SGIP1: variants seen among roughly 807,000 people sequenced by gnomAD.
SGIP1 encodes SH3GL interacting endocytic adaptor 1.
SGIP1 carries 38 observed loss-of-function variants against 107.5 expected under a neutral mutation model. That is an observed-to-expected ratio of 0.35 (90% CI 0.27 to 0.46). The LOEUF (loss-of-function observed/expected upper bound fraction) is 0.46. Ranked by LOEUF, SGIP1 falls within the 20% of genes least tolerant of loss-of-function variation. The probability of loss-of-function intolerance (pLI) is 1.00; values close to 1 mark genes in which losing one functional copy is unlikely to be tolerated. For synonymous variants in SGIP1, 365 were observed against 366.1 expected, an observed-to-expected ratio of 1.00 and a Z score of 0.03; for missense variants, 929 against 1,019.5, an observed-to-expected ratio of 0.91 and a Z score of 1.21.
intron 1 of SGIP1, among the ~76,000 whole-genome samples, chr1:66,568,946 C>A (rs1353776688): frequency 2.0e-5 from 3 of 151,768 alleles, no homozygotes; most frequent in East Asian, 1.9e-4. Flanking sequence ...GTGGCACAGA[C>A]CTGGCCAGTC....
chr1:66,586,148 C>A (rs1330344992), intron 1 of SGIP1, among the ~76,000 whole-genome samples: 1 of 152,098 alleles, frequency 6.6e-6, no homozygotes, highest in African/African-American at 2.4e-5. Context: ...TTATCTGATA[C>A]TAAGTTAGTC....
intron 7 of SGIP1, among the ~76,000 whole-genome samples, chr1:66,657,906 G>A (rs539129007): frequency 2.6e-5 from 4 of 151,908 alleles, no homozygotes; most frequent in South Asian, 2.1e-4. Flanking sequence ...ATTTTAAATC[G>A]AAAACATCTT....
chr1:66,670,302 C>T (rs910218417), intron 9 of SGIP1, among the ~76,000 whole-genome samples: 2 of 152,348 alleles, frequency 1.3e-5, no homozygotes, highest in South Asian at 2.1e-4. Flanking sequence ...CTGGAGATGA[C>T]CTGCTCAGAT....
At position 66,747,408 on chromosome 1, in the gene SGIP1, C is replaced by G. The variant is rs2094567688; in HGVS notation, c.*4313C>G. On this transcript the variant is annotated 3_prime_UTR_variant, in exon 25 of 25. Transcript: ENST00000371037. Reference sequence around the variant, plus strand: ...AAAATTTTTTTCCCTAGGAAAATCCCTATCTTTTTCTTAAAGTTACTCTGT... The same window carrying G: ...AAAATTTTTTTCCCTAGGAAAATCCGTATCTTTTTCTTAAAGTTACTCTGT... The G allele has an allele frequency of 6.6e-6, 1 of 152,064 alleles. No individual in the cohort carries two copies. The highest frequency in any genetic ancestry group is 1.9e-4 in the East Asian group (1 of 5,188). 9.4% of individuals were successfully genotyped at this position (152,064 alleles called of 1,614,324 possible).
At position 66,682,201 on chromosome 1, in the gene SGIP1, G is replaced by T. The variant is rs750814976; in HGVS notation, c.1147G>T (p.Val383Phe). The change falls in exon 15 of 25, where the codon GTC becomes TTC. Residue 383 changes from valine to phenylalanine, a missense_variant. This residue lies in a region of SGIP1 where 588 missense variants were observed against 588.6 expected (regional missense o/e 1.00). Coordinates refer to ENST00000371037, the MANE Select transcript of SGIP1 (RefSeq NM_032291.4). Reference protein sequence around the residue: ...PLNLEEVQKKVAEQTFIKDDY... With the variant: ...PLNLEEVQKKFAEQTFIKDDY... ...CAATTTAGAAGAAGTCCAGAAGAAAGTCGCTGAGCAGACCTTCATTAAAGA... is the reference window on the plus strand; with the variant it reads ...CAATTTAGAAGAAGTCCAGAAGAAATTCGCTGAGCAGACCTTCATTAAAGA... 2.5e-6 allele frequency: 4 copies of T among 1,614,106 alleles called. No homozygotes were observed. In the Admixed American group the frequency reaches 6.7e-5, roughly 27 times the overall value.
chr1:66,653,600 A>C (rs2079145105), intron 7 of SGIP1, among the ~76,000 whole-genome samples: 2 of 152,198 alleles, frequency 1.3e-5, no homozygotes, highest in Admixed American at 1.3e-4. Context: ...GGGTTCTGGA[A>C]ACATGATCAC....
intron 1 of SGIP1, among the ~76,000 whole-genome samples, chr1:66,591,830 G>A (rs1379721597): frequency 6.6e-6 from 1 of 152,212 alleles, no homozygotes; most frequent in Admixed American, 6.5e-5. Context: ...AGGAAAACGT[G>A]AGCAAAGATC....
chr1:66,571,761 A>G (rs1257818777), intron 1 of SGIP1, among the ~76,000 whole-genome samples: 2 of 152,052 alleles, frequency 1.3e-5, no homozygotes, highest in East Asian at 3.9e-4. Context: ...CTATTTCTGC[A>G]TTCCCCATGA....
At chr1:66,594,910 G>A (rs749568260) in intron 1 of SGIP1, among the ~76,000 whole-genome samples, 9 of 152,122 alleles carry the variant, frequency 5.9e-5, no homozygotes, top group Admixed American at 3.3e-4. Context: ...AATATTAGGA[G>A]AAGAAAATAT....
intron 17 of SGIP1, 179 bp from the exon 18 acceptor site, chr1:66,695,255 T>TAAAAA (rs570067011): frequency 0.01 from 9,601 of 944,954 alleles, 14 homozygotes; most frequent in Non-Finnish European, 0.011. Flanking sequence ...TTTCCTGAAC[T>TAAAAA]AAAAAAAAAA....
chr1:66,581,640 C>T (rs748014552), intron 1 of SGIP1, among the ~76,000 whole-genome samples: 58 of 151,956 alleles, frequency 3.8e-4, no homozygotes, highest in Non-Finnish European at 1.0e-4. Context: ...GTTTAAAATG[C>T]TTTGCCTGTC....
chr1:66,600,746 C>T (rs1027111318), intron 1 of SGIP1, among the ~76,000 whole-genome samples: 3 of 152,120 alleles, frequency 2.0e-5, no homozygotes, highest in Non-Finnish European at 4.4e-5. Flanking sequence ...TCCCCTAAGC[C>T]ATGCAAGCCT....
At chr1:66,581,395 A>T (rs1477044693) in intron 1 of SGIP1, among the ~76,000 whole-genome samples, 1 of 152,050 alleles carries the variant, frequency 6.6e-6, no homozygotes, top group East Asian at 1.9e-4. Flanking sequence ...TTATGATGTA[A>T]CCATAAAACC....
At chr1:66,672,018 G>T (rs775143116) in intron 11 of SGIP1, 23 bp downstream of exon 11, 1 of 1,611,970 alleles carries the variant, frequency 6.2e-7, no homozygotes, top group South Asian at 1.1e-5. Context: ...GACATTAGTT[G>T]TGTTTTATGC....
chr1:66,711,463 T>C (rs1030839812), intron 18 of SGIP1, among the ~76,000 whole-genome samples: 1 of 152,208 alleles, frequency 6.6e-6, no homozygotes, highest in Admixed American at 6.5e-5. Flanking sequence ...GTATAACATA[T>C]TCTATAAATT....
At chr1:66,562,610 C>T (rs1411483228) in intron 1 of SGIP1, among the ~76,000 whole-genome samples, 2 of 152,080 alleles carry the variant, frequency 1.3e-5, no homozygotes, top group African/African-American at 4.8e-5. Context: ...AGGACCGAAA[C>T]TTCTTGCTCA....
intron 1 of SGIP1, among the ~76,000 whole-genome samples, chr1:66,625,123 A>C (rs1262335072): frequency 6.6e-6 from 1 of 152,224 alleles, no homozygotes; most frequent in Non-Finnish European, 1.5e-5. Context: ...TACATATAAG[A>C]GCAACATTTT....
intron 1 of SGIP1, among the ~76,000 whole-genome samples, chr1:66,625,008 G>A (rs1048324898): frequency 6.6e-6 from 1 of 152,048 alleles, no homozygotes; most frequent in African/African-American, 2.4e-5. Flanking sequence ...AATATTATCT[G>A]GACTTATAAA....
intron 1 of SGIP1, among the ~76,000 whole-genome samples, chr1:66,588,119 G>A (rs547462595): frequency 2.6e-5 from 4 of 152,110 alleles, no homozygotes; most frequent in Admixed American, 1.3e-4. Flanking sequence ...TTGTTATTTA[G>A]ACCCTCTTTG....
Sources: allele counts gnomAD v4.1 joint callset (sites outside exome capture counted in the v4.1 genomes callset), GRCh38; gene constraint gnomAD v4.1.1; regional missense constraint gnomAD v4.1.1; transcripts MANE v1.5; gene names NCBI Gene and HGNC (gene_info 2026-07-23, HGNC 2026-07-21).